CCR9: variants seen among roughly 807,000 people sequenced by gnomAD.
CCR9 encodes C-C chemokine receptor type 9.
A neutral mutation model predicts 8.7 loss-of-function variants in CCR9; 4 were observed. The ratio of observed to expected loss-of-function variants is 0.46; its 90% CI spans 0.23 to 1.06. The LOEUF (loss-of-function observed/expected upper bound fraction) is 1.06, where lower values mean the gene tolerates loss of function less well. Ranked by LOEUF, CCR9 falls within the 50% of genes least tolerant of loss-of-function variation. The pLI is 0.21. For missense variants in CCR9, 394 were observed against 453.6 expected, an observed-to-expected ratio of 0.87 and a Z score of 1.19; for synonymous variants, 159 against 168.8, an observed-to-expected ratio of 0.94 and a Z score of 0.45.
chr3:45,892,691 C>A (rs1243522015), intron 1 of CCR9, among the ~76,000 whole-genome samples: 1 of 152,018 alleles, frequency 6.6e-6, no homozygotes. Flanking sequence ...TATGACAAAC[C>A]TGCACATATA....
intron 2 of CCR9, among the ~76,000 whole-genome samples, chr3:45,895,549 T>C (rs1214415107): frequency 6.6e-6 from 1 of 152,126 alleles, no homozygotes; most frequent in Non-Finnish European, 1.5e-5. Flanking sequence ...ACCCCATCTC[T>C]ACTAAAAATA....
chr3:45,901,128 T>A lies in CCR9; in HGVS notation c.340T>A (p.Phe114Ile). ...CATTGCTGCTGCTGACCAGTGGAAG[T>A]TCCAGACCTTCATGTGCAAGGTGGT... is the stretch of plus-strand genomic sequence containing the variant. The part of the protein sequence containing the change: ...WAIAAADQWK[F>I]QTFMCKVVNS... Residue 114 changes from phenylalanine to isoleucine, a missense_variant, in exon 3 of 3, where the codon TTC (phenylalanine) becomes ATC (isoleucine). Coordinates refer to ENST00000357632, the MANE Select transcript of CCR9 (RefSeq NM_031200.3). This position sits in a 1 kb window ranked among gnomAD's most constrained non-coding sequence, Gnocchi z 4.3. 1.9e-6 allele frequency: 3 copies of A among 1,614,192 alleles called. No individual in the cohort carries two copies. The African/African-American group carries it at 4.0e-5, about 22-fold the overall frequency.
At chr3:45,896,753 T>C (rs1702369152) in intron 2 of CCR9, among the ~76,000 whole-genome samples, 1 of 152,158 alleles carries the variant, frequency 6.6e-6, no homozygotes, top group African/African-American at 2.4e-5. Context: ...GATAACAAAT[T>C]CATTTTTTCC....
At chr3:45,897,475 C>T in intron 2 of CCR9, 1 of 809,256 alleles carries the variant, frequency 1.2e-6, no homozygotes. Context: ...GGAGTGTTAG[C>T]TGTGCCTGCT....
chr3:45,895,872 C>G (rs1353763630), intron 2 of CCR9, among the ~76,000 whole-genome samples: 1 of 152,142 alleles, frequency 6.6e-6, no homozygotes, highest in East Asian at 1.9e-4. Flanking sequence ...TGATTTTGCT[C>G]TTCTCCAAGG....
intron 1 of CCR9, among the ~76,000 whole-genome samples, chr3:45,892,616 A>G (rs985823572): frequency 8.5e-5 from 13 of 152,170 alleles, no homozygotes; most frequent in Non-Finnish European, 1.2e-4. Context: ...GTCAGGTACT[A>G]TGCTTATTAA....
At chr3:45,888,729 C>T (rs1023041804) in intron 1 of CCR9, among the ~76,000 whole-genome samples, 3 of 151,962 alleles carry the variant, frequency 2.0e-5, no homozygotes, top group African/African-American at 7.3e-5. Flanking sequence ...ACTGGCAAGA[C>T]AAAAATGAAA....
In CCR9 at chr3:45,900,346, G is replaced by T. The variant is rs1047537803; in HGVS notation, c.22-464G>T. Among the ~76,000 whole-genome samples the T allele has an allele frequency of 2.0e-5, 3 of 152,126 alleles. No homozygotes were observed. The highest frequency in any genetic ancestry group is 4.4e-5 in the Non-Finnish European group (3 of 68,040). On this transcript the variant is annotated intron_variant, in intron 2 of 2. Transcript: ENST00000357632. This position sits in a 1 kb window ranked among gnomAD's most constrained non-coding sequence, Gnocchi z 4.7. ...ACTCAGGGGACTGGGATCCAGATGA[G>T]TTTAAGAGCCCTTGCTAACCTTTTT...
intron 1 of CCR9, among the ~76,000 whole-genome samples, chr3:45,891,090 G>GT (rs1313787619): frequency 6.6e-6 from 1 of 152,162 alleles, no homozygotes; most frequent in Non-Finnish European, 1.5e-5. Context: ...AAACACGTGT[G>GT]TTACTTTTGT....
chr3:45,890,305 A>ATATATATATTTATATAAATATATATATGT (rs1702121761), intron 1 of CCR9, among the ~76,000 whole-genome samples: 1 of 7,988 alleles, frequency 1.3e-4, no homozygotes, highest in African/African-American at 1.0e-3. Flanking sequence ...TATATATAAC[A>ATATATATATTTATATAAATATATATATGT]TATATATATA....
At chr3:45,897,350 A>C (rs1157979991) in intron 2 of CCR9, among the ~76,000 whole-genome samples, 1 of 152,184 alleles carries the variant, frequency 6.6e-6, no homozygotes, top group East Asian at 1.9e-4. Flanking sequence ...CCCTAACCTA[A>C]CTAACTAAGT....
At position 45,889,304 on chromosome 3, in the gene CCR9, T is replaced by TA. The variant is rs57833297; in HGVS notation, c.-29+2660dup. Among the ~76,000 whole-genome samples, 68 of 148,466 alleles carry TA rather than the reference T, an allele frequency of 4.6e-4. No individual in the cohort carries two copies. In the East Asian group the frequency reaches 5.3e-3, roughly 12 times the overall value. The stretch of plus-strand genomic sequence containing the variant: ...CTGGCTTGTGTTTATATATTACCTT[T>TA]AAAAAAAAAAATAAAGAGAAACCTT... On this transcript the variant is annotated intron_variant, in intron 1 of 2. Coordinates refer to ENST00000357632, the MANE Select transcript of CCR9 (RefSeq NM_031200.3).
At chr3:45,897,487 A>G (rs769084137) in intron 2 of CCR9, 91 of 899,734 alleles carry the variant, frequency 1.0e-4, no homozygotes, top group Non-Finnish European at 1.3e-4. Flanking sequence ...GTGCCTGCTC[A>G]CCGGGCAGTG....
In CCR9 at chr3:45,900,114, A is replaced by C. The variant is rs561321467; in HGVS notation, c.22-696A>C. ...ATGGCTGTGCAACCCACACAGTCAC[A>C]TAGGGGCCCTGTGCTTAGAAGTGCT... On this transcript the variant is annotated intron_variant, in intron 2 of 2. Transcript: ENST00000357632. The surrounding 1 kb of genome is among the most constrained non-coding windows in gnomAD (Gnocchi z 4.7). Among the ~76,000 whole-genome samples the C allele has an allele frequency of 8.5e-5, 13 of 152,304 alleles. No homozygotes were observed. In the South Asian group the frequency reaches 2.5e-3, roughly 29 times the overall value.
chr3:45,888,192 C>T (rs1165999929), intron 1 of CCR9, among the ~76,000 whole-genome samples: 2 of 152,172 alleles, frequency 1.3e-5, no homozygotes, highest in African/African-American at 4.8e-5. Context: ...CTCCCAGGTC[C>T]CTGCACATAC....
chr3:45,895,106 T>C, intron 2 of CCR9, 152 bp downstream of exon 2: 1 of 820,828 alleles, frequency 1.2e-6, no homozygotes, highest in Non-Finnish European at 2.1e-6. Context: ...GCTGGGTAGG[T>C]TGTTGTCCAG....
intron 2 of CCR9, among the ~76,000 whole-genome samples, chr3:45,898,363 C>T (rs183962249): frequency 1.5e-3 from 226 of 152,314 alleles, no homozygotes; most frequent in Admixed American, 4.6e-3. Context: ...TCTGTCCTCT[C>T]GAGAGACTGG....
chr3:45,901,347 A>T lies in CCR9; in HGVS notation c.559A>T (p.Ser187Cys). The change falls in exon 3 of 3, where the codon AGC becomes TGC. Residue 187 changes from serine to cysteine, a missense_variant. Physicochemically the swap from Ser to Cys is moderately radical, Grantham distance 112. Coordinates refer to ENST00000357632, the MANE Select transcript of CCR9 (RefSeq NM_031200.3). The surrounding 1 kb of genome is among the most constrained non-coding windows in gnomAD (Gnocchi z 4.3). ...AALCIPEILYSQIKEESGIAI... is the reference protein window; with the variant it reads ...AALCIPEILYCQIKEESGIAI... ...TCTCTGCATCCCAGAAATCTTATAC[A>T]GCCAAATCAAGGAGGAATCCGGCAT... is the stretch of plus-strand genomic sequence containing the variant. 6.2e-7 allele frequency: 1 copy of T among 1,614,162 alleles called. No individual in the cohort carries two copies. The highest frequency in any genetic ancestry group is 8.5e-7 in the Non-Finnish European group (1 of 1,180,012).
Position 45,890,308 on chromosome 3 carries a change from T to TATATATAAATATATATATAAC in CCR9, c.-29+3660_-29+3661insAATATATATATAACATATATA, listed in dbSNP as rs1176858500. ...TTTATATAAATATATATATAACATA[T>TATATATAAATATATATATAAC]ATATATATTTATATAAATATATATA... is the stretch of plus-strand genomic sequence containing the variant. On this transcript the variant is annotated intron_variant, in intron 1 of 2. Transcript: ENST00000357632. 1.4e-3 allele frequency among the ~76,000 whole-genome samples: 108 copies of TATATATAAATATATATATAAC among 77,354 alleles called. 25 individuals carry two copies. The African/African-American group carries it at 0.015, about 10-fold the overall frequency. The allele number at this position is 77,354 out of a possible 152,430, so 50.7% of individuals were successfully genotyped here.
Sources: allele counts gnomAD v4.1 joint callset (sites outside exome capture counted in the v4.1 genomes callset), GRCh38; gene constraint gnomAD v4.1.1; non-coding constraint Gnocchi (gnomAD v3.1); transcripts MANE v1.5; gene names NCBI Gene and HGNC (gene_info 2026-07-23, HGNC 2026-07-21).